MDGA2: variants seen among roughly 807,000 people sequenced by gnomAD.
MDGA2 encodes the protein MAM domain containing glycosylphosphatidylinositol anchor 2, also known as MAM domain-containing glycosylphosphatidylinositol anchor protein 2.
In MDGA2, 40 loss-of-function variants were observed where a neutral mutation model predicts 117.8. That is an observed-to-expected ratio of 0.34 (90% CI 0.26 to 0.44). MDGA2 has a LOEUF of 0.44. Ranked by LOEUF, MDGA2 falls within the 20% of genes least tolerant of loss-of-function variation. The pLI is 1.00. For synonymous variants in MDGA2, 452 were observed against 439.0 expected, an observed-to-expected ratio of 1.03 and a Z score of -0.37; for missense variants, 1,123 against 1,250.6, an observed-to-expected ratio of 0.90 and a Z score of 1.54.
Position 47,218,020 on chromosome 14 carries a change from C to A in MDGA2, c.595+1G>T. On this transcript the variant is annotated splice_donor_variant, in intron 3 of 16. Transcript: ENST00000399232. LOFTEE classifies it high-confidence loss of function. ...TATAGTTTTCTGGAAAATTTACTTA[C>A]AGTATACATCCACTCTGATTGACTT... 6.6e-7 allele frequency: 1 copy of A among 1,517,126 alleles called. No individual in the cohort carries two copies. The highest frequency in any genetic ancestry group is 2.5e-5 in the East Asian group (1 of 39,876). 94.0% of individuals were successfully genotyped at this position (1,517,126 alleles called of 1,614,324 possible).
intron 1 of MDGA2, among the ~76,000 whole-genome samples, chr14:47,564,297 T>C (rs1345887074): frequency 3.9e-5 from 6 of 152,144 alleles, no homozygotes; most frequent in African/African-American, 1.4e-4. Context: ...TGTTGATGTA[T>C]TAGTCTGTTT....
chr14:46,977,838 T>A (rs1039791626), intron 8 of MDGA2, among the ~76,000 whole-genome samples: 9 of 121,754 alleles, frequency 7.4e-5, no homozygotes, highest in African/African-American at 2.1e-4. Context: ...GTAAAAAAAA[T>A]ATCCTTGAAA....
chr14:47,382,761 A>ATAGGGACT (rs1891665592), intron 1 of MDGA2, among the ~76,000 whole-genome samples: 1 of 152,200 alleles, frequency 6.6e-6, no homozygotes, highest in Non-Finnish European at 1.5e-5. Flanking sequence ...TGGTGGGACT[A>ATAGGGACT]TAAACTAGTT....
At chr14:47,614,237 C>T (rs923823797) in intron 1 of MDGA2, among the ~76,000 whole-genome samples, 3 of 150,858 alleles carry the variant, frequency 2.0e-5, no homozygotes, top group Admixed American at 2.0e-4. Flanking sequence ...TTACAGGCAC[C>T]TGCCATCATG....
At chr14:47,590,811 T>C (rs1784360266) in intron 1 of MDGA2, among the ~76,000 whole-genome samples, 3 of 151,890 alleles carry the variant, frequency 2.0e-5, no homozygotes, top group Admixed American at 2.0e-4. Context: ...CTGAATAGAA[T>C]AAAATAAAGA....
intron 4 of MDGA2, among the ~76,000 whole-genome samples, 161 bp downstream of exon 4, chr14:47,143,917 C>G (rs1175235418): frequency 6.6e-6 from 1 of 151,998 alleles, no homozygotes; most frequent in Non-Finnish European, 1.5e-5. Context: ...AATAAGTTGT[C>G]CTTTATATTT....
intron 1 of MDGA2, among the ~76,000 whole-genome samples, chr14:47,551,366 A>G (rs910186899): frequency 1.3e-5 from 2 of 152,072 alleles, no homozygotes; most frequent in Non-Finnish European, 2.9e-5. Context: ...TTTGCTTTCT[A>G]TGCTTTTCTG....
intron 3 of MDGA2, among the ~76,000 whole-genome samples, chr14:47,212,210 T>C (rs1885909791): frequency 1.3e-5 from 2 of 152,168 alleles, no homozygotes; most frequent in African/African-American, 2.4e-5. Flanking sequence ...ATCTTTTATA[T>C]AGGAGATAAT....
chr14:47,500,045 GA>G (rs998255876), intron 1 of MDGA2, among the ~76,000 whole-genome samples: 1 of 152,056 alleles, frequency 6.6e-6, no homozygotes, highest in Admixed American at 6.5e-5. Context: ...TACTTCCCCT[GA>G]AAAATCATTT....
At chr14:47,525,185 C>A (rs573254296) in intron 1 of MDGA2, among the ~76,000 whole-genome samples, 84 of 152,312 alleles carry the variant, frequency 5.5e-4, no homozygotes, top group Admixed American at 7.8e-4. Flanking sequence ...TTCATCCTGA[C>A]AACACTCGAA....
chr14:47,103,246 T>C (rs948363445), intron 5 of MDGA2, among the ~76,000 whole-genome samples: 1 of 152,214 alleles, frequency 6.6e-6, no homozygotes, highest in Non-Finnish European at 1.5e-5. Flanking sequence ...TAGAAAAATA[T>C]TTCTCTTGGA....
intron 1 of MDGA2, among the ~76,000 whole-genome samples, chr14:47,620,050 C>A (rs1458800028): frequency 6.6e-6 from 1 of 152,148 alleles, no homozygotes; most frequent in African/African-American, 2.4e-5. Context: ...CACACATAAT[C>A]CCTGGCTTAA....
rs1199879692 is a variant in MDGA2, at chr14:47,144,244, T to C, written c.626A>G (p.Gln209Arg). Residue 209 changes from glutamine (Q) to arginine (R), a missense_variant, in exon 4 of 17, where the codon CAA becomes CGA. This residue lies in a region of MDGA2 where 890 missense variants were observed against 1,050.3 expected (regional missense o/e 0.85). Coordinates refer to ENST00000399232, the MANE Select transcript of MDGA2 (RefSeq NM_001113498.3). Reference protein sequence around the residue: ...YLDDPVVTVHQSIGEAKEQFY... With the variant: ...YLDDPVVTVHRSIGEAKEQFY... ...TTGTTCTTTAGCTTCACCTATACTT[T>C]GATGAACAGTTACTACTGGATCATC... is the stretch of plus-strand genomic sequence containing the variant. 3 of 1,550,972 alleles carry C rather than the reference T, an allele frequency of 1.9e-6. No individual in the cohort carries two copies. The highest frequency in any genetic ancestry group is 2.6e-6 in the Non-Finnish European group (3 of 1,146,568).
At chr14:47,640,671 T>C (rs1366445468) in intron 1 of MDGA2, among the ~76,000 whole-genome samples, 1 of 152,184 alleles carries the variant, frequency 6.6e-6, no homozygotes, top group Non-Finnish European at 1.5e-5. Context: ...TCTCCAATAG[T>C]TGTCCCACTT....
At chr14:47,069,955 C>T (rs1394763312) in intron 6 of MDGA2, among the ~76,000 whole-genome samples, 1 of 152,072 alleles carries the variant, frequency 6.6e-6, no homozygotes, top group Non-Finnish European at 1.5e-5. Context: ...ATTGACCTGG[C>T]GCATCTAACC....
At chr14:47,410,785 T>C (rs1484678882) in intron 1 of MDGA2, among the ~76,000 whole-genome samples, 1 of 152,224 alleles carries the variant, frequency 6.6e-6, no homozygotes, top group African/African-American at 2.4e-5. Flanking sequence ...ATAAGTATTT[T>C]ATGCTCAACA....
intron 8 of MDGA2, among the ~76,000 whole-genome samples, chr14:46,969,886 T>A (rs532468935): frequency 0.11 from 15,757 of 145,118 alleles, 1,742 homozygotes; most frequent in African/African-American, 0.25. Flanking sequence ...ATACCTATGT[T>A]AAAAACCTGC....
intron 2 of MDGA2, among the ~76,000 whole-genome samples, chr14:47,219,949 T>C (rs1886239223): frequency 1.3e-5 from 2 of 152,150 alleles, no homozygotes; most frequent in South Asian, 4.1e-4. Context: ...TCTTAAGTTT[T>C]ATTTTAAATT....
chr14:47,276,490 TTTTG>T (rs1888315171), intron 2 of MDGA2, among the ~76,000 whole-genome samples: 1 of 152,184 alleles, frequency 6.6e-6, no homozygotes, highest in Admixed American at 6.5e-5. Flanking sequence ...GATGGAGGTG[TTTTG>T]TTTAATTGAG....
Sources: allele counts gnomAD v4.1 joint callset (sites outside exome capture counted in the v4.1 genomes callset), GRCh38; gene constraint gnomAD v4.1.1; regional missense constraint gnomAD v4.1.1; transcripts MANE v1.5; gene names NCBI Gene and HGNC (gene_info 2026-07-23, HGNC 2026-07-21).